SPTAN1: variants seen among roughly 807,000 people sequenced by gnomAD.
The protein encoded by SPTAN1 is spectrin alpha chain, non-erythrocytic 1.
A neutral mutation model predicts 331.3 loss-of-function variants in SPTAN1; 61 were observed. That is an observed-to-expected ratio of 0.18 (90% CI 0.15 to 0.23). The LOEUF (loss-of-function observed/expected upper bound fraction) is 0.23. SPTAN1 is among the 10% of genes least tolerant of loss of function. The pLI, the probability that SPTAN1 is intolerant of heterozygous loss-of-function variation, is 1.00. For synonymous variants in SPTAN1, 1,153 were observed against 1,173.9 expected (o/e 0.98, Z 0.36); for missense variants, 2,043 against 3,147.9 (o/e 0.65, Z 8.40).
chr9:128,631,164 GAA>G (rs1859658619), intron 52 of SPTAN1, among the ~76,000 whole-genome samples: 1 of 150,878 alleles, frequency 6.6e-6, no homozygotes, highest in Admixed American at 6.6e-5. Flanking sequence ...TCACTTTAAA[GAA>G]AGTCTTTGGG....
intron 52 of SPTAN1, 191 bp from the exon 53 acceptor site, chr9:128,631,934 GTC>G (rs1859813419): frequency 8.0e-6 from 5 of 622,588 alleles, no homozygotes; most frequent in African/African-American, 1.8e-5. Context: ...CACATTGAAA[GTC>G]TCTCCCTCTA....
At chr9:128,581,569 A>G (rs537620068) in intron 11 of SPTAN1, among the ~76,000 whole-genome samples, 4 of 152,334 alleles carry the variant, frequency 2.6e-5, no homozygotes, top group South Asian at 2.1e-4. Context: ...AGAAGTTTCA[A>G]TAGAATGTGG....
At chr9:128,562,983 C>CATATATATAT (rs1849565252) in intron 1 of SPTAN1, among the ~76,000 whole-genome samples, 1 of 120,802 alleles carries the variant, frequency 8.3e-6, no homozygotes, top group Non-Finnish European at 1.6e-5. Flanking sequence ...TATATATATA[C>CATATATATAT]ATGTATGTGT....
intron 1 of SPTAN1, among the ~76,000 whole-genome samples, chr9:128,556,169 C>T (rs772423453): frequency 3.3e-5 from 5 of 151,636 alleles, no homozygotes; most frequent in Non-Finnish European, 4.4e-5. Flanking sequence ...TGCAATGAGC[C>T]GAGATTGCAC....
intron 3 of SPTAN1, 93 bp from the exon 4 acceptor site, chr9:128,574,582 C>A: frequency 2.1e-6 from 3 of 1,443,352 alleles, no homozygotes; most frequent in Non-Finnish European, 2.9e-6. Flanking sequence ...TTCAGCGCTC[C>A]ATAAGGTCTC....
Position 128,633,351 on chromosome 9 carries a change from C to T in SPTAN1, c.*17C>T, listed in dbSNP as rs376572315. The T allele has an allele frequency of 5.0e-6, 8 of 1,613,662 alleles. No individual in the cohort carries two copies. The highest frequency in any genetic ancestry group is 3.3e-4 in the Middle Eastern group (2 of 6,062). On this transcript the variant is annotated 3_prime_UTR_variant, in exon 57 of 57. Transcript: ENST00000372739. ...GTGAACTGAGCCACTCCCTGGGTCA[C>T]CCACCCCTCGCTGCTTGCCCTGCGT...
intron 12 of SPTAN1, 25 bp from the exon 13 acceptor site, chr9:128,582,454 G>A (rs1589211714): frequency 6.2e-7 from 1 of 1,610,744 alleles, no homozygotes; most frequent in African/African-American, 1.3e-5. Context: ...GCTTACCAAT[G>A]AAGAACTCTT....
At chr9:128,610,837 C>T (rs1856484071) in intron 37 of SPTAN1, among the ~76,000 whole-genome samples, 1 of 152,186 alleles carries the variant, frequency 6.6e-6, no homozygotes, top group African/African-American at 2.4e-5. Context: ...TGATTAATGA[C>T]AGCTACCTAA....
chr9:128,611,889 C>G, intron 38 of SPTAN1, 44 bp downstream of exon 38: 3 of 1,613,682 alleles, frequency 1.9e-6, no homozygotes, highest in Non-Finnish European at 2.5e-6. Flanking sequence ...AAGATGACCA[C>G]CGTCACTGTC....
At chr9:128,605,915 C>G (rs543947812) in intron 31 of SPTAN1, among the ~76,000 whole-genome samples, 5 of 151,680 alleles carry the variant, frequency 3.3e-5, no homozygotes, top group Admixed American at 2.0e-4. Flanking sequence ...TCGCTTGAAC[C>G]TGGGAGGCGG....
At chr9:128,574,294 CTAT>C (rs1255343924) in intron 3 of SPTAN1, among the ~76,000 whole-genome samples, 4 of 148,672 alleles carry the variant, frequency 2.7e-5, no homozygotes, top group Non-Finnish European at 4.5e-5. Context: ...AATTGTGTAC[CTAT>C]TATTATATAA....
chr9:128,555,092 G>A (rs1164261744), intron 1 of SPTAN1, among the ~76,000 whole-genome samples: 1 of 152,160 alleles, frequency 6.6e-6, no homozygotes, highest in Non-Finnish European at 1.5e-5. Flanking sequence ...GAGGCCCCAA[G>A]GAGAATGAGA....
intron 14 of SPTAN1, 111 bp from the exon 15 acceptor site, chr9:128,582,966 G>T: frequency 6.3e-7 from 1 of 1,580,234 alleles, no homozygotes; most frequent in Non-Finnish European, 8.7e-7. Context: ...ACTACTTAAT[G>T]TAAGCCAACT....
At chr9:128,587,271 G>A (rs1852778521) in intron 19 of SPTAN1, among the ~76,000 whole-genome samples, 1 of 151,976 alleles carries the variant, frequency 6.6e-6, no homozygotes. Flanking sequence ...TTTCTGTAGA[G>A]ATGAGGTTTC....
intron 3 of SPTAN1, among the ~76,000 whole-genome samples, chr9:128,570,275 A>G (rs183502405): frequency 9.4e-5 from 14 of 148,474 alleles, no homozygotes; most frequent in Non-Finnish European, 1.5e-4. Context: ...ATTCATGTCT[A>G]TTAGTACCCT....
intron 23 of SPTAN1, chr9:128,593,881 T>G: frequency 2.4e-6 from 1 of 420,094 alleles, no homozygotes; most frequent in Non-Finnish European, 4.5e-6. Context: ...AGCGCTTGGT[T>G]TCAGTCCCTT....
chr9:128,594,713 T>C (rs1015189066), intron 24 of SPTAN1, among the ~76,000 whole-genome samples: 3 of 151,298 alleles, frequency 2.0e-5, no homozygotes, highest in Admixed American at 6.6e-5. Flanking sequence ...ATTATAGGCA[T>C]GAGCTTCTGC....
intron 39 of SPTAN1, among the ~76,000 whole-genome samples, chr9:128,612,458 A>G (rs144953647): frequency 6.6e-6 from 1 of 152,364 alleles, no homozygotes; most frequent in East Asian, 1.9e-4. Flanking sequence ...CACTTGGACT[A>G]CAGGTCACTC....
rs760928451 is a variant in SPTAN1 at position 128,576,716 on chromosome 9, T to C, written c.652-107T>C. Reference sequence around the variant, plus strand: ...TTGACCATTATTTCTTGTGATTCTCTTCAGAGTGGTGATTTGCTGAGATGC... The same window carrying C: ...TTGACCATTATTTCTTGTGATTCTCCTCAGAGTGGTGATTTGCTGAGATGC... On this transcript the variant is annotated intron_variant, in intron 5 of 56. Coordinates refer to ENST00000372739, the MANE Select transcript of SPTAN1 (RefSeq NM_001130438.3). 3.4e-4 allele frequency: 487 copies of C among 1,423,224 alleles called. 2 individuals carry two copies. Among genetic ancestry groups the C allele is most frequent in the Non-Finnish European group, 4.6e-4 (481 of 1,034,474 alleles). The allele number at this position is 1,423,224 out of a possible 1,614,324, so 88.2% of individuals were successfully genotyped here.
Sources: gnomAD v4.1 joint callset for allele counts (sites outside exome capture counted in the v4.1 genomes callset) on GRCh38, gnomAD v4.1.1 for gene constraint, MANE v1.5 for transcripts, NCBI Gene and HGNC (gene_info 2026-07-23, HGNC 2026-07-21) for gene names.